SMAP1: variants seen among roughly 807,000 people sequenced by gnomAD.
SMAP1 encodes the protein small ArfGAP 1, also known as stromal membrane-associated protein 1.
In SMAP1, 24 loss-of-function variants were observed where a neutral mutation model predicts 58.5. The ratio of observed to expected loss-of-function variants is 0.41; its 90% CI spans 0.30 to 0.58. SMAP1 has a LOEUF of 0.58. Ranked by LOEUF, SMAP1 falls within the 20% of genes least tolerant of loss-of-function variation. The pLI is 0.29. For synonymous variants in SMAP1, 216 were observed against 196.6 expected, an observed-to-expected ratio of 1.10 and a Z score of -0.82; for missense variants, 563 against 566.3, an observed-to-expected ratio of 0.99 and a Z score of 0.06.
chr6:70,820,820 G>A (rs1769855641), intron 6 of SMAP1, among the ~76,000 whole-genome samples: 1 of 151,580 alleles, frequency 6.6e-6, no homozygotes, highest in African/African-American at 2.4e-5. Flanking sequence ...ATTTAATTTT[G>A]CAGAGTGTGT....
At chr6:70,834,886 A>G (rs552277376) in intron 6 of SMAP1, among the ~76,000 whole-genome samples, 1 of 152,314 alleles carries the variant, frequency 6.6e-6, no homozygotes, top group South Asian at 2.1e-4. Context: ...AGAGAATGTG[A>G]AATGGATTAT....
intron 1 of SMAP1, among the ~76,000 whole-genome samples, chr6:70,677,370 C>G (rs1163951241): frequency 4.1e-5 from 6 of 145,788 alleles, no homozygotes; most frequent in Admixed American, 1.4e-4. Context: ...ATCCTTATTG[C>G]AAAGATTTAT....
At chr6:70,710,591 C>T (rs1284083867) in intron 1 of SMAP1, among the ~76,000 whole-genome samples, 1 of 150,948 alleles carries the variant, frequency 6.6e-6, no homozygotes, top group Non-Finnish European at 1.5e-5. Flanking sequence ...CTGGGTAAGT[C>T]AGTGAGTGAA....
Position 70,755,025 on chromosome 6 carries a change from G to A in SMAP1, c.298G>A (p.Ala100Thr). 1.2e-6 allele frequency: 2 copies of A among 1,610,638 alleles called. No individual in the cohort carries two copies. The highest frequency in any genetic ancestry group is 1.7e-6 in the Non-Finnish European group (2 of 1,177,598). ...TACTAAAGCAAGACTACTCTATGAA[G>A]CCAATCTTCCAGAGAACTTTCGAAG... ...GNTKARLLYEANLPENFRRPQ... is the reference protein window; with the variant it reads ...GNTKARLLYETNLPENFRRPQ... Residue 100 changes from alanine to threonine, a missense_variant, in exon 3 of 11, where the codon GCC (alanine) becomes ACC (threonine). Transcript: ENST00000370455.
chr6:70,857,265 A>G, intron 9 of SMAP1: 1 of 336,646 alleles, frequency 3.0e-6, no homozygotes, highest in Non-Finnish European at 5.4e-6. Context: ...AGATCACTAA[A>G]TGTTGTTTCA....
chr6:70,690,197 G>A (rs1286529542), intron 1 of SMAP1, among the ~76,000 whole-genome samples: 1 of 152,058 alleles, frequency 6.6e-6, no homozygotes, highest in East Asian at 1.9e-4. Context: ...ATCAAGTTGA[G>A]GAAATTTCCT....
chr6:70,802,678 TCATC>T (rs1198032871), intron 6 of SMAP1, among the ~76,000 whole-genome samples: 1 of 152,128 alleles, frequency 6.6e-6, no homozygotes, highest in Non-Finnish European at 1.5e-5. Flanking sequence ...GAGATATGTT[TCATC>T]AATATCTAGT....
chr6:70,742,177 G>C (rs1294722270), intron 2 of SMAP1, among the ~76,000 whole-genome samples: 4 of 152,188 alleles, frequency 2.6e-5, no homozygotes, highest in African/African-American at 7.2e-5. Flanking sequence ...CTGCAACCGG[G>C]TTGAATTTCT....
chr6:70,809,081 T>A (rs1769275585), intron 6 of SMAP1, among the ~76,000 whole-genome samples: 1 of 152,198 alleles, frequency 6.6e-6, no homozygotes, highest in African/African-American at 2.4e-5. Context: ...TGCAGATATT[T>A]GCCATTAGCT....
chr6:70,785,372 C>G (rs1038549578), intron 4 of SMAP1, among the ~76,000 whole-genome samples: 2 of 152,036 alleles, frequency 1.3e-5, no homozygotes, highest in South Asian at 2.1e-4. Context: ...AAAGTGACTC[C>G]TAATATCACA....
At position 70,736,351 on chromosome 6, in the gene SMAP1, C is replaced by T. The variant is rs937044065; in HGVS notation, c.252+3840C>T. ...GTACTTCTCAAATTTTTGGAAAGGA[C>T]CAAGTTTTTTATACTTTTATAAATA... is the stretch of plus-strand genomic sequence containing the variant. On this transcript the variant is annotated intron_variant, in intron 2 of 10. Coordinates refer to ENST00000370455, the MANE Select transcript of SMAP1 (RefSeq NM_001044305.3). Among the ~76,000 whole-genome samples, 86 of 152,086 alleles carry T rather than the reference C, an allele frequency of 5.7e-4. 2 individuals carry two copies. Among genetic ancestry groups the T allele is most frequent in the Admixed American group, 5.4e-3 (83 of 15,248 alleles).
At chr6:70,688,555 A>T (rs564470059) in intron 1 of SMAP1, among the ~76,000 whole-genome samples, 1 of 152,296 alleles carries the variant, frequency 6.6e-6, no homozygotes, top group Non-Finnish European at 1.5e-5. Flanking sequence ...TATGGTGTTG[A>T]ACATCTTTTC....
At chr6:70,838,256 A>G (rs2149999383) in intron 7 of SMAP1, among the ~76,000 whole-genome samples, 1 of 152,304 alleles carries the variant, frequency 6.6e-6, no homozygotes, top group East Asian at 1.9e-4. Context: ...ATAACTTAGA[A>G]ATATAAAATA....
At chr6:70,803,310 A>G (rs545160249) in intron 6 of SMAP1, among the ~76,000 whole-genome samples, 2 of 152,086 alleles carry the variant, frequency 1.3e-5, no homozygotes, top group African/African-American at 4.8e-5. Context: ...GTATTCTCTG[A>G]TGGTAGTTTG....
At chr6:70,850,591 A>AT (rs1371429683) in intron 7 of SMAP1, among the ~76,000 whole-genome samples, 1 of 151,704 alleles carries the variant, frequency 6.6e-6, no homozygotes, top group African/African-American at 2.4e-5. Context: ...GCAGCTAATA[A>AT]AGTGCTTCCT....
intron 2 of SMAP1, among the ~76,000 whole-genome samples, chr6:70,732,985 A>G (rs999702027): frequency 1.3e-5 from 2 of 152,208 alleles, no homozygotes; most frequent in Admixed American, 1.3e-4. Flanking sequence ...AAACTTACTT[A>G]TGAGTGGTTT....
At chr6:70,674,166 G>A (rs1473281093) in intron 1 of SMAP1, among the ~76,000 whole-genome samples, 1 of 151,576 alleles carries the variant, frequency 6.6e-6, no homozygotes, top group African/African-American at 2.4e-5. Flanking sequence ...CTGTCGCTGG[G>A]CTGGAGTGCG....
intron 4 of SMAP1, among the ~76,000 whole-genome samples, chr6:70,780,356 G>A (rs1402568735): frequency 2.0e-5 from 3 of 152,086 alleles, no homozygotes; most frequent in African/African-American, 7.2e-5. Flanking sequence ...CAGGAGGATC[G>A]CTTGAGTCCA....
chr6:70,818,730 G>T (rs992416378), intron 6 of SMAP1, among the ~76,000 whole-genome samples: 6 of 152,100 alleles, frequency 3.9e-5, no homozygotes, highest in Non-Finnish European at 8.8e-5. Context: ...CCTCAAACTG[G>T]ATTGGAATAT....
Sources: allele counts gnomAD v4.1 joint callset (sites outside exome capture counted in the v4.1 genomes callset), GRCh38; gene constraint gnomAD v4.1.1; transcripts MANE v1.5; gene names NCBI Gene and HGNC (gene_info 2026-07-23, HGNC 2026-07-21).